GAREM1: variants seen among roughly 807,000 people sequenced by gnomAD.
The protein encoded by GAREM1 is GRB2 associated regulator of MAPK1 subtype 1, also known as GRB2-associated and regulator of MAPK protein 1.
In GAREM1, 26 loss-of-function variants were observed where a neutral mutation model predicts 71.3. The ratio of observed to expected loss-of-function variants is 0.36; its 90% CI spans 0.27 to 0.51. The LOEUF is 0.51. Ranked by LOEUF, GAREM1 falls within the 20% of genes least tolerant of loss-of-function variation. The pLI, the probability that GAREM1 is intolerant of heterozygous loss-of-function variation, is 0.95. For missense variants in GAREM1, 1,026 were observed against 1,103.1 expected (o/e 0.93, Z 0.99); for synonymous variants, 440 against 433.2 (o/e 1.02, Z -0.20).
intron 2 of GAREM1, among the ~76,000 whole-genome samples, chr18:32,327,375 A>G (rs2047484004): frequency 6.6e-6 from 1 of 152,228 alleles, no homozygotes; most frequent in South Asian, 2.1e-4. Context: ...TTTACTGTTG[A>G]AAGAGAGACA....
intron 1 of GAREM1, among the ~76,000 whole-genome samples, chr18:32,459,018 A>T (rs925708443): frequency 6.6e-6 from 1 of 152,162 alleles, no homozygotes; most frequent in Admixed American, 6.5e-5. Context: ...GTCTCGCAAC[A>T]GTCAAATAAA....
chr18:32,338,766 G>A (rs923685997), intron 2 of GAREM1, among the ~76,000 whole-genome samples: 1 of 152,302 alleles, frequency 6.6e-6, no homozygotes, highest in African/African-American at 2.4e-5. Flanking sequence ...AGCTTACTGA[G>A]TGTGATGGTT....
intron 1 of GAREM1, among the ~76,000 whole-genome samples, chr18:32,446,297 T>C (rs777156979): frequency 8.9e-4 from 135 of 152,240 alleles, no homozygotes; most frequent in South Asian, 2.1e-3. Flanking sequence ...TTCAAGGTTA[T>C]TTGCTGTAAC....
At chr18:32,397,041 A>G (rs1241747187) in intron 1 of GAREM1, among the ~76,000 whole-genome samples, 1 of 152,232 alleles carries the variant, frequency 6.6e-6, no homozygotes, top group Non-Finnish European at 1.5e-5. Context: ...CCAGAATTTC[A>G]TATCTAGTCA....
At chr18:32,351,809 T>A (rs1181122425) in intron 2 of GAREM1, among the ~76,000 whole-genome samples, 1 of 152,116 alleles carries the variant, frequency 6.6e-6, no homozygotes, top group Non-Finnish European at 1.5e-5. Flanking sequence ...CCTGACCGGC[T>A]ACCCTACTTT....
intron 2 of GAREM1, among the ~76,000 whole-genome samples, chr18:32,380,867 C>G (rs1025954589): frequency 6.6e-6 from 1 of 151,990 alleles, no homozygotes; most frequent in African/African-American, 2.4e-5. Context: ...AAAACTGTGA[C>G]AAATTCCTTA....
chr18:32,399,086 C>T (rs530888339), intron 1 of GAREM1, among the ~76,000 whole-genome samples: 2 of 152,158 alleles, frequency 1.3e-5, no homozygotes, highest in African/African-American at 4.8e-5. Context: ...GTTATCTCAA[C>T]AGATGCAGAA....
chr18:32,364,012 A>ATGT (rs2047897309), intron 2 of GAREM1, among the ~76,000 whole-genome samples: 22 of 51,426 alleles, frequency 4.3e-4, no homozygotes, highest in Non-Finnish European at 5.1e-4. Context: ...ATATATATAT[A>ATGT]TATATATATA....
chr18:32,286,870 T>C (rs968692330), intron 4 of GAREM1, among the ~76,000 whole-genome samples, 161 bp downstream of exon 4: 2 of 152,218 alleles, frequency 1.3e-5, no homozygotes, highest in African/African-American at 4.8e-5. Context: ...AATTCCTAAA[T>C]GGTCAAAATA....
chr18:32,364,917 T>C (rs1458244335), intron 2 of GAREM1, among the ~76,000 whole-genome samples: 2 of 152,054 alleles, frequency 1.3e-5, no homozygotes, highest in Non-Finnish European at 2.9e-5. Flanking sequence ...TCAAACACTT[T>C]ATGTGTATTA....
chr18:32,397,494 G>A (rs1047546991), intron 1 of GAREM1, among the ~76,000 whole-genome samples: 8 of 152,238 alleles, frequency 5.3e-5, no homozygotes, highest in Non-Finnish European at 8.8e-5. Flanking sequence ...AAAGGCAGGG[G>A]TTGCAATCCT....
intron 1 of GAREM1, among the ~76,000 whole-genome samples, chr18:32,453,387 AAAC>A (rs1301986158): frequency 6.6e-6 from 1 of 152,154 alleles, no homozygotes. Flanking sequence ...GAATGGCATC[AAAC>A]AATAGAAAAT....
intron 2 of GAREM1, among the ~76,000 whole-genome samples, chr18:32,380,474 T>TAAAAAAAA (rs35881689): frequency 4.3e-5 from 4 of 92,462 alleles, no homozygotes; most frequent in Admixed American, 1.2e-4. Flanking sequence ...AGACTTCATT[T>TAAAAAAAA]AAAAAAAAAA....
intron 1 of GAREM1, among the ~76,000 whole-genome samples, chr18:32,427,502 A>T (rs1226968372): frequency 6.6e-6 from 1 of 152,140 alleles, no homozygotes; most frequent in Non-Finnish European, 1.5e-5. Context: ...TGCAATGGTG[A>T]TGTTTGAGGG....
At chr18:32,365,013 G>A (rs182191469) in intron 2 of GAREM1, among the ~76,000 whole-genome samples, 1 of 152,188 alleles carries the variant, frequency 6.6e-6, no homozygotes, top group East Asian at 1.9e-4. Flanking sequence ...AGTGGTGAGT[G>A]GCAAAGCAAA....
intron 2 of GAREM1, among the ~76,000 whole-genome samples, chr18:32,317,978 C>G (rs1352791498): frequency 6.6e-6 from 1 of 152,126 alleles, no homozygotes; most frequent in Non-Finnish European, 1.5e-5. Context: ...CAAATAAAAA[C>G]ATTTGGAGAT....
At chr18:32,449,818 GT>G (rs2048817897) in intron 1 of GAREM1, among the ~76,000 whole-genome samples, 1 of 152,152 alleles carries the variant, frequency 6.6e-6, no homozygotes, top group Non-Finnish European at 1.5e-5. Flanking sequence ...AGTAAACCAG[GT>G]TTGTTTTTTC....
At position 32,267,962 on chromosome 18, in the gene GAREM1, G is replaced by A. The variant is rs773814148; in HGVS notation, c.2540C>T (p.Thr847Met). 13 of 1,613,526 alleles carry A rather than the reference G, an allele frequency of 8.1e-6. No homozygotes were observed. The highest frequency in any genetic ancestry group is 2.2e-5 in the East Asian group (1 of 44,870). Residue 847 changes from threonine (T) to methionine (M), a missense_variant, in exon 6 of 6, where the codon ACG becomes ATG. By Grantham distance (81) the Thr-to-Met change is moderately conservative (BLOSUM62 -1). Transcript: ENST00000269209. ...KIDGNLLVQL[T>M]EEILSEDFKL... The stretch of plus-strand genomic sequence containing the variant: ...GAAATCCTCTGAGAGGATTTCTTCC[G>A]TTAGCTGAACAAGCAGGTTCCCATC...
chr18:32,301,994 T>C (rs1351316113), intron 3 of GAREM1, among the ~76,000 whole-genome samples: 1 of 152,258 alleles, frequency 6.6e-6, no homozygotes, highest in Admixed American at 6.5e-5. Context: ...ATTTTGGCTA[T>C]ATTGTACCAT....
Sources: gnomAD v4.1 joint callset for allele counts (sites outside exome capture counted in the v4.1 genomes callset) on GRCh38, gnomAD v4.1.1 for gene constraint, MANE v1.5 for transcripts, NCBI Gene and HGNC (gene_info 2026-07-23, HGNC 2026-07-21) for gene names.